Variants in ADGRL2 observed in about 807,000 individuals in gnomAD.
ADGRL2 encodes calcium-independent alpha-latrotoxin receptor 2.
In ADGRL2, 44 loss-of-function variants were observed where a neutral mutation model predicts 157.4. That is an observed-to-expected ratio of 0.28 (90% CI 0.22 to 0.36). ADGRL2 has a LOEUF of 0.36. Ranked by LOEUF, ADGRL2 falls within the 10% of genes least tolerant of loss-of-function variation. The probability of loss-of-function intolerance (pLI) is 1.00; values close to 1 mark genes in which losing one functional copy is unlikely to be tolerated. For synonymous variants in ADGRL2, 585 were observed against 624.7 expected, an observed-to-expected ratio of 0.94 and a Z score of 0.95; for missense variants, 1,510 against 1,768.9, an observed-to-expected ratio of 0.85 and a Z score of 2.63.
At chr1:81,768,851 C>T (rs1220920724) in intron 2 of ADGRL2, among the ~76,000 whole-genome samples, 1 of 152,038 alleles carries the variant, frequency 6.6e-6, no homozygotes, top group Non-Finnish European at 1.5e-5. Context: ...GAGGTCGAGG[C>T]AGGCAGATCA....
intron 2 of ADGRL2, among the ~76,000 whole-genome samples, chr1:81,845,339 G>T (rs936887458): frequency 2.6e-5 from 4 of 151,782 alleles, no homozygotes; most frequent in African/African-American, 9.7e-5. Context: ...TTCACAACTG[G>T]TTATTTCCCG....
At position 81,722,063 on chromosome 1, in the gene ADGRL2, C is replaced by G. The variant is rs187949253; in HGVS notation, c.-143+22255C>G. 320 of 390,434 alleles carry G rather than the reference C, an allele frequency of 8.2e-4. 8 individuals are homozygous for G. The East Asian group carries it at 0.02, about 24-fold the overall frequency. The allele number at this position is 390,434 out of a possible 1,614,324, so 24.2% of individuals were successfully genotyped here. A position where few individuals can be genotyped will look rare whatever the true frequency, so the allele number is the denominator to read the frequency against. ...ATCGCAGCACTTTGGGAGGCCGAGG[C>G]GGGCGGATCACGAGGTCAGGAGATC... On this transcript the variant is annotated intron_variant, in intron 1 of 20. Coordinates refer to the ADGRL2 transcript ENST00000359929.
intron 3 of ADGRL2, among the ~76,000 whole-genome samples, chr1:81,913,635 C>T (rs2094785020): frequency 6.6e-6 from 1 of 152,098 alleles, no homozygotes; most frequent in African/African-American, 2.4e-5. Flanking sequence ...TTCTAATTCC[C>T]TTTAATTACA....
In ADGRL2 at chr1:81,837,053, A is replaced by G; in HGVS notation, c.69A>G (p.Thr23=). 1 of 1,579,316 alleles carries G rather than the reference A, an allele frequency of 6.3e-7. No individual in the cohort carries two copies. Among genetic ancestry groups the G allele is most frequent in the South Asian group, 1.2e-5 (1 of 86,206 alleles). Residue 23 remains threonine (T), a synonymous_variant, in exon 2 of 24, where the codon ACA becomes ACG. Transcript: ENST00000686636. ...TTGTAATCAGCTTCTTACCAAATAC[A>G]GAAGGTAAGATCCAGTTTACATTTT... is the stretch of plus-strand genomic sequence containing the variant. ...FIIVISFLPN[T]EGFSRAALPF...
intron 2 of ADGRL2, chr1:81,557,209 C>A: frequency 5.4e-6 from 1 of 183,852 alleles, no homozygotes; most frequent in South Asian, 1.4e-4. Context: ...GCCGGCTTTT[C>A]AAGCTGAACG....
chr1:81,861,564 T>A (rs1419613699), intron 2 of ADGRL2, among the ~76,000 whole-genome samples: 1 of 152,200 alleles, frequency 6.6e-6, no homozygotes, highest in Non-Finnish European at 1.5e-5. Flanking sequence ...AATTATAAAC[T>A]ATCTTTTAAC....
rs540756829 is a variant in ADGRL2 at position 81,993,484 on chromosome 1, C to T, written c.*2339C>T. ...CCTATTTCTTTCTCTTGAGGCAGTT[C>T]TCAAAACTCTAAAGACATGAACACT... On this transcript the variant is annotated 3_prime_UTR_variant, in exon 24 of 24. Coordinates refer to ENST00000686636, the MANE Select transcript of ADGRL2 (RefSeq NM_001366006.2). Among the ~76,000 whole-genome samples the T allele has an allele frequency of 4.7e-4, 72 of 152,058 alleles. No homozygotes were observed. The highest frequency in any genetic ancestry group is 1.7e-3 in the African/African-American group (70 of 41,480).
intron 2 of ADGRL2, among the ~76,000 whole-genome samples, chr1:81,891,508 A>T (rs921927413): frequency 6.6e-6 from 1 of 152,140 alleles, no homozygotes; most frequent in Non-Finnish European, 1.5e-5. Flanking sequence ...TGGTAATTTG[A>T]TAGGAGAAAA....
At chr1:81,654,248 C>T (rs946822824) in intron 3 of ADGRL2, among the ~76,000 whole-genome samples, 1 of 152,122 alleles carries the variant, frequency 6.6e-6, no homozygotes, top group African/African-American at 2.4e-5. Flanking sequence ...ACCCAGCCTC[C>T]GCTTCTTTCT....
intron 1 of ADGRL2, among the ~76,000 whole-genome samples, chr1:81,811,158 A>G (rs1208658382): frequency 6.6e-6 from 1 of 151,904 alleles, no homozygotes; most frequent in African/African-American, 2.4e-5. Flanking sequence ...AAACCCCACA[A>G]AAAACACTGC....
chr1:81,481,351 T>C (rs1389565506), intron 2 of ADGRL2, among the ~76,000 whole-genome samples: 1 of 152,244 alleles, frequency 6.6e-6, no homozygotes, highest in African/African-American at 2.4e-5. Flanking sequence ...TATGCATTGA[T>C]TCCAGAAAGA....
In ADGRL2 at chr1:81,966,438, C is replaced by G. The variant is rs903496508; in HGVS notation, c.2178C>G (p.Ser726Arg). 3 of 1,614,022 alleles carry G rather than the reference C, an allele frequency of 1.9e-6. No homozygotes were observed. The highest frequency in any genetic ancestry group is 1.7e-5 in the Admixed American group (1 of 60,008). ...AGTTGGTGTTCATCATTTACCGGAG[C>G]CTGGGACAGTTCCTTAGTACAGAAA... ...LAKLVFIIYR[S>R]LGQFLSTENA... is the part of the protein sequence containing the mutation. Residue 726 changes from serine (S) to arginine (R), a missense_variant, in exon 13 of 24, where the codon AGC (serine) becomes AGG (arginine). Coordinates refer to ENST00000686636, the MANE Select transcript of ADGRL2 (RefSeq NM_001366006.2).
chr1:81,704,319 G>A (rs1185672752), intron 1 of ADGRL2, among the ~76,000 whole-genome samples: 1 of 152,218 alleles, frequency 6.6e-6, no homozygotes, highest in Non-Finnish European at 1.5e-5. Flanking sequence ...CTTAGGCTTA[G>A]CTGGCTAGTC....
chr1:81,981,695 A>G, intron 18 of ADGRL2, 113 bp from the exon 19 acceptor site: 2 of 832,310 alleles, frequency 2.4e-6, no homozygotes, highest in Non-Finnish European at 3.8e-6. Flanking sequence ...GCTGTTGAAT[A>G]TGAATGTGAA....
chr1:81,870,691 T>C (rs1279288869), intron 2 of ADGRL2, among the ~76,000 whole-genome samples: 1 of 152,128 alleles, frequency 6.6e-6, no homozygotes, highest in Non-Finnish European at 1.5e-5. Context: ...TGTTTTTTGT[T>C]GGCACTAATA....
At chr1:81,781,431 T>G (rs1357531928) in intron 2 of ADGRL2, among the ~76,000 whole-genome samples, 1 of 152,032 alleles carries the variant, frequency 6.6e-6, no homozygotes, top group South Asian at 2.1e-4. Flanking sequence ...GAGGAAAAGG[T>G]TTTTCAGCTA....
At chr1:81,431,643 G>A (rs553434044) in intron 1 of ADGRL2, among the ~76,000 whole-genome samples, 4 of 152,252 alleles carry the variant, frequency 2.6e-5, no homozygotes, top group East Asian at 1.9e-4. Context: ...AATTTTATTT[G>A]GTGATTTTCA....
chr1:81,540,302 G>A (rs1324371), intron 2 of ADGRL2, among the ~76,000 whole-genome samples: 114,247 of 152,074 alleles, frequency 0.75, 43,432 homozygotes, highest in East Asian at 0.89. Flanking sequence ...GAATTTAATG[G>A]AAAAAAAATT....
At chr1:81,502,340 G>A (rs2078871203) in intron 2 of ADGRL2, 3 of 1,614,020 alleles carry the variant, frequency 1.9e-6, no homozygotes, top group Non-Finnish European at 2.5e-6. Flanking sequence ...GCAGAATGGT[G>A]GTTTGGCCTG....
Sources: allele counts gnomAD v4.1 joint callset (sites outside exome capture counted in the v4.1 genomes callset), GRCh38; gene constraint gnomAD v4.1.1; transcripts MANE v1.5; gene names NCBI Gene and HGNC (gene_info 2026-07-23, HGNC 2026-07-21).